INPP4B: variants seen among roughly 807,000 people sequenced by gnomAD.
INPP4B encodes the protein inositol polyphosphate-4-phosphatase type II B.
INPP4B carries 55 observed loss-of-function variants against 122.5 expected under a neutral mutation model. That is an observed-to-expected ratio of 0.45 (90% confidence interval 0.36 to 0.56). INPP4B has a LOEUF of 0.56. Ranked by LOEUF, INPP4B falls within the 20% of genes least tolerant of loss-of-function variation. The probability of loss-of-function intolerance (pLI) is 0.00; values close to 1 mark genes in which losing one functional copy is unlikely to be tolerated. For synonymous variants in INPP4B, 403 were observed against 388.7 expected (o/e 1.04, Z -0.43); for missense variants, 1,000 against 1,097.7 (o/e 0.91, Z 1.26).
At chr4:142,837,577 G>T (rs1481922021) in intron 1 of INPP4B, among the ~76,000 whole-genome samples, 1 of 152,036 alleles carries the variant, frequency 6.6e-6, no homozygotes. Flanking sequence ...GGTTTTGCAT[G>T]GTAAATTGTC....
intron 3 of INPP4B, among the ~76,000 whole-genome samples, chr4:142,454,296 G>T (rs1814926935): frequency 6.6e-6 from 1 of 152,004 alleles, no homozygotes; most frequent in Non-Finnish European, 1.5e-5. Context: ...TTCACATTCT[G>T]CCCTTGCCAG....
chr4:142,709,971 AT>A (rs1762913609), intron 2 of INPP4B, among the ~76,000 whole-genome samples: 1 of 152,224 alleles, frequency 6.6e-6, no homozygotes, highest in East Asian at 1.9e-4. Flanking sequence ...CTTTCAAAAA[AT>A]ATATTACTTA....
intron 2 of INPP4B, among the ~76,000 whole-genome samples, chr4:142,470,237 T>A (rs1395375450): frequency 2.0e-5 from 3 of 151,996 alleles, no homozygotes; most frequent in Non-Finnish European, 4.4e-5. Context: ...TATACCAAAA[T>A]CTATTTTGTA....
chr4:142,499,898 C>T (rs552076400), intron 2 of INPP4B, among the ~76,000 whole-genome samples: 2 of 152,276 alleles, frequency 1.3e-5, no homozygotes, highest in African/African-American at 4.8e-5. Context: ...GCAATCTGAT[C>T]AAAACCCTAT....
intron 2 of INPP4B, among the ~76,000 whole-genome samples, chr4:142,648,453 G>T (rs1315402450): frequency 6.6e-6 from 1 of 152,142 alleles, no homozygotes; most frequent in East Asian, 1.9e-4. Flanking sequence ...GGAAAAACAG[G>T]ACACTCCTGT....
At chr4:142,459,886 T>C (rs1816346342) in intron 3 of INPP4B, among the ~76,000 whole-genome samples, 1 of 152,200 alleles carries the variant, frequency 6.6e-6, no homozygotes, top group African/African-American at 2.4e-5. Context: ...TAAATCTGGA[T>C]AGCAGAATCT....
At chr4:142,351,448 G>C (rs760060059) in intron 7 of INPP4B, among the ~76,000 whole-genome samples, 1 of 151,936 alleles carries the variant, frequency 6.6e-6, no homozygotes, top group Non-Finnish European at 1.5e-5. Context: ...CGTGGTTTCT[G>C]TTCCCTGATG....
chr4:142,032,021 GAC>G (rs1339331948), intron 25 of INPP4B, among the ~76,000 whole-genome samples: 3 of 152,198 alleles, frequency 2.0e-5, no homozygotes, highest in Non-Finnish European at 4.4e-5. Context: ...GTGAGACAGA[GAC>G]AGAGAGAATT....
chr4:142,818,234 A>C (rs1410224335), intron 1 of INPP4B, among the ~76,000 whole-genome samples: 1 of 152,156 alleles, frequency 6.6e-6, no homozygotes, highest in Non-Finnish European at 1.5e-5. Context: ...TGCCCTGGCC[A>C]GTTTTTCATT....
intron 7 of INPP4B, among the ~76,000 whole-genome samples, chr4:142,390,599 A>G (rs190330448): frequency 6.6e-6 from 1 of 152,310 alleles, no homozygotes; most frequent in East Asian, 1.9e-4. Flanking sequence ...TATTTGACGT[A>G]TTTAGATATA....
chr4:142,813,046 A>G (rs1005121965), intron 1 of INPP4B, among the ~76,000 whole-genome samples: 1 of 152,134 alleles, frequency 6.6e-6, no homozygotes, highest in Non-Finnish European at 1.5e-5. Flanking sequence ...GCTAACTCCT[A>G]AAAATGTTGA....
intron 1 of INPP4B, among the ~76,000 whole-genome samples, chr4:142,763,985 C>A (rs1771718488): frequency 1.3e-5 from 2 of 151,980 alleles, no homozygotes. Context: ...CTTTAAAATT[C>A]TTTGAGCTTA....
rs570559858 is a variant in INPP4B at position 142,626,223 on chromosome 4, A to G, written c.-191+99616T>C. On this transcript the variant is annotated intron_variant, in intron 2 of 25. Transcript: ENST00000262992. ...CCTACAAAATTCACTCCTTTTGAAC[A>G]TGAGCAGAACTGTGAACATGATGGA... 2.8e-4 allele frequency among the ~76,000 whole-genome samples: 43 copies of G among 152,212 alleles called. No homozygotes were observed. The South Asian group carries it at 8.7e-3, about 31-fold the overall frequency.
At chr4:142,326,761 G>C (rs566588404) in intron 7 of INPP4B, among the ~76,000 whole-genome samples, 1 of 152,266 alleles carries the variant, frequency 6.6e-6, no homozygotes, top group South Asian at 2.1e-4. Context: ...TGGAAGCAAA[G>C]AAATAATAAC....
intron 10 of INPP4B, among the ~76,000 whole-genome samples, chr4:142,268,322 CAA>C (rs56908599): frequency 0.019 from 129 of 6,890 alleles, 1 homozygote; most frequent in South Asian, 0.034. Context: ...GACTCCGTCT[CAA>C]AAAAAAAAAA....
intron 17 of INPP4B, among the ~76,000 whole-genome samples, chr4:142,154,862 C>T (rs909387871): frequency 9.9e-5 from 15 of 151,996 alleles, no homozygotes; most frequent in African/African-American, 3.6e-4. Flanking sequence ...GTGAATGAGA[C>T]ATTGTTTTTT....
chr4:142,625,906 G>A (rs868821253), intron 2 of INPP4B, among the ~76,000 whole-genome samples: 1 of 152,130 alleles, frequency 6.6e-6, no homozygotes, highest in African/African-American at 2.4e-5. Context: ...TTAATAAATG[G>A]TGCTGGGAGA....
intron 1 of INPP4B, among the ~76,000 whole-genome samples, chr4:142,828,446 T>C (rs1485074096): frequency 6.6e-6 from 1 of 152,148 alleles, no homozygotes; most frequent in Non-Finnish European, 1.5e-5. Context: ...TTGATTACCT[T>C]ATCTAAAATA....
At chr4:142,260,936 A>C (rs1374430924) in intron 10 of INPP4B, among the ~76,000 whole-genome samples, 2 of 152,224 alleles carry the variant, frequency 1.3e-5, no homozygotes, top group Admixed American at 6.5e-5. Flanking sequence ...AAAGCAAATT[A>C]TTTTCTAGAG....
Sources: gnomAD v4.1 joint callset for allele counts (sites outside exome capture counted in the v4.1 genomes callset) on GRCh38, gnomAD v4.1.1 for gene constraint, MANE v1.5 for transcripts, NCBI Gene and HGNC (gene_info 2026-07-23, HGNC 2026-07-21) for gene names.